The following RAB8B variants were observed in gnomAD, a reference collection of about 807,000 sequenced individuals.
RAB8B encodes RAB8B, member RAS oncogene family.
In RAB8B, 11 loss-of-function variants were observed where a neutral mutation model predicts 32.0. The observed-to-expected ratio is 0.34, with a 90% CI of 0.22 to 0.57. The LOEUF is 0.57. Ranked by LOEUF, RAB8B falls within the 20% of genes least tolerant of loss-of-function variation. RAB8B has a pLI of 0.86. For missense variants in RAB8B, 190 were observed against 258.5 expected (o/e 0.73, Z 1.82); for synonymous variants, 103 against 89.6 (o/e 1.15, Z -0.85).
rs549683671 is a variant in RAB8B at position 63,233,156 on chromosome 15, C to T, written c.125-11600C>T. Among the ~76,000 whole-genome samples the T allele has an allele frequency of 5.3e-5, 8 of 151,064 alleles. No individual in the cohort carries two copies. In the South Asian group the frequency reaches 1.7e-3, roughly 31 times the overall value. On this transcript the variant is annotated intron_variant, in intron 1 of 7. Coordinates refer to ENST00000321437, the MANE Select transcript of RAB8B (RefSeq NM_016530.3). ...CTCACTGCAGCCTTTAACTCCTGGC[C>T]TCAAGCTATCCGCTCACTTCAGCCT...
intron 1 of RAB8B, among the ~76,000 whole-genome samples, chr15:63,212,152 C>T (rs1003293183): frequency 2.0e-5 from 3 of 152,276 alleles, no homozygotes; most frequent in African/African-American, 7.2e-5. Context: ...CATCTTCCTA[C>T]ACAGTGCGTT....
chr15:63,205,336 A>G (rs1456590122), intron 1 of RAB8B, among the ~76,000 whole-genome samples: 1 of 152,076 alleles, frequency 6.6e-6, no homozygotes, highest in Non-Finnish European at 1.5e-5. Flanking sequence ...AATAAAAATA[A>G]ATACAATTTA....
chr15:63,229,313 T>C (rs766623542), intron 1 of RAB8B, among the ~76,000 whole-genome samples: 1 of 152,258 alleles, frequency 6.6e-6, no homozygotes, highest in Non-Finnish European at 1.5e-5. Flanking sequence ...GTCATTGCCC[T>C]TCGGGGCTCA....
At position 63,207,816 on chromosome 15, in the gene RAB8B, G is replaced by A. The variant is rs574007293; in HGVS notation, c.124+18068G>A. Among the ~76,000 whole-genome samples the A allele has an allele frequency of 1.4e-4, 21 of 152,154 alleles. 1 individual carries two copies. The highest frequency in any genetic ancestry group is 2.1e-4 in the Non-Finnish European group (14 of 67,980). On this transcript the variant is annotated intron_variant, in intron 1 of 7. Coordinates refer to ENST00000321437, the MANE Select transcript of RAB8B (RefSeq NM_016530.3). ...CCTGACTTCATGATCTGCCCACCTC[G>A]GCCTTCCAAAGTGCTGGGATTACAG...
At chr15:63,199,127 A>G (rs2037627137) in intron 1 of RAB8B, among the ~76,000 whole-genome samples, 1 of 152,150 alleles carries the variant, frequency 6.6e-6, no homozygotes, top group Non-Finnish European at 1.5e-5. Flanking sequence ...TTCTTGTTTC[A>G]CTGTCTGTTA....
intron 1 of RAB8B, among the ~76,000 whole-genome samples, chr15:63,230,939 G>A (rs1047123378): frequency 1.3e-5 from 2 of 152,040 alleles, no homozygotes; most frequent in Admixed American, 6.6e-5. Context: ...ATGACTTTAG[G>A]TTTTTCTCTA....
chr15:63,221,106 G>A (rs1466103491), intron 1 of RAB8B, among the ~76,000 whole-genome samples: 3 of 152,190 alleles, frequency 2.0e-5, no homozygotes, highest in Non-Finnish European at 4.4e-5. Context: ...GGATTCAGAT[G>A]GAAAGGATGG....
chr15:63,189,758 G>T lies in RAB8B; in HGVS notation c.124+10G>T, dbSNP rs1318930042. ...TTCATCTCCACCATCGGTGAGGGAG[G>T]GGCCGCGGCCCGGGACCGGGTAGAG... is the stretch of plus-strand genomic sequence containing the variant. On this transcript the variant is annotated intron_variant, in intron 1 of 7. Transcript: ENST00000321437. The T allele has an allele frequency of 5.8e-6, 9 of 1,563,442 alleles. No individual in the cohort carries two copies. Among genetic ancestry groups the T allele is most frequent in the Non-Finnish European group, 7.8e-6 (9 of 1,150,372 alleles).
intron 1 of RAB8B, among the ~76,000 whole-genome samples, chr15:63,209,891 G>C (rs377168284): frequency 3.9e-5 from 6 of 151,988 alleles, no homozygotes; most frequent in East Asian, 1.9e-4. Flanking sequence ...CTAATGCTCT[G>C]CCTCCCCTTG....
At chr15:63,254,420 G>A (rs915832416) in intron 3 of RAB8B, among the ~76,000 whole-genome samples, 1 of 151,954 alleles carries the variant, frequency 6.6e-6, no homozygotes, top group Non-Finnish European at 1.5e-5. Context: ...ACAAGAGGAA[G>A]AGACCTTTTC....
In RAB8B at chr15:63,189,678, G is replaced by GCT; in HGVS notation, c.54_55insCT (p.Val19LeufsTer2). On this transcript the variant is annotated frameshift_variant, in exon 1 of 8. Coordinates refer to ENST00000321437, the MANE Select transcript of RAB8B (RefSeq NM_016530.3). LOFTEE classifies it high-confidence loss of function. The stretch of plus-strand genomic sequence containing the variant: ...AGCTCCTGCTGATCGGCGACTCGGG[G>GCT]GTAGGCAAGACCTGCCTCCTGTTCC... 1 of 1,614,008 alleles carries GCT rather than the reference G, an allele frequency of 6.2e-7. No homozygotes were observed. The highest frequency in any genetic ancestry group is 8.5e-7 in the Non-Finnish European group (1 of 1,179,914).
chr15:63,206,117 A>C (rs1180453214), intron 1 of RAB8B, among the ~76,000 whole-genome samples: 1 of 152,230 alleles, frequency 6.6e-6, no homozygotes, highest in African/African-American at 2.4e-5. Context: ...TATCTCTTTT[A>C]TTAGCACATA....
intron 1 of RAB8B, among the ~76,000 whole-genome samples, chr15:63,205,395 G>C (rs1595734602): frequency 6.6e-6 from 1 of 152,182 alleles, no homozygotes; most frequent in Non-Finnish European, 1.5e-5. Context: ...CTATTCAGGA[G>C]GCTGAAGTGA....
intron 1 of RAB8B, among the ~76,000 whole-genome samples, chr15:63,194,199 TA>T (rs80073305): frequency 2.7e-4 from 40 of 148,952 alleles, no homozygotes; most frequent in South Asian, 6.3e-4. Flanking sequence ...ATTTTATAAA[TA>T]AAAAAAAAAT....
intron 1 of RAB8B, among the ~76,000 whole-genome samples, chr15:63,227,361 A>T (rs1014858935): frequency 6.6e-6 from 1 of 152,184 alleles, no homozygotes; most frequent in African/African-American, 2.4e-5. Flanking sequence ...GGCTTGCCTG[A>T]GGACATCTTT....
intron 6 of RAB8B, among the ~76,000 whole-genome samples, chr15:63,261,342 G>A (rs1475027304): frequency 6.6e-6 from 1 of 152,146 alleles, no homozygotes; most frequent in Non-Finnish European, 1.5e-5. Flanking sequence ...AATTAGTACA[G>A]CCACTATGGA....
intron 1 of RAB8B, among the ~76,000 whole-genome samples, chr15:63,243,655 C>T (rs1451382319): frequency 1.3e-5 from 2 of 152,086 alleles, no homozygotes; most frequent in Non-Finnish European, 2.9e-5. Context: ...GTGCCCAGGT[C>T]CCATCCTTGA....
intron 1 of RAB8B, among the ~76,000 whole-genome samples, chr15:63,228,790 C>T (rs1484017355): frequency 5.9e-5 from 9 of 152,170 alleles, no homozygotes; most frequent in Non-Finnish European, 1.3e-4. Context: ...AGGGCAGCCC[C>T]TAAAAGCTTC....
At chr15:63,232,375 A>G (rs16946676) in intron 1 of RAB8B, among the ~76,000 whole-genome samples, 4,963 of 152,262 alleles carry the variant, frequency 0.033, 253 homozygotes, top group African/African-American at 0.11. Flanking sequence ...TTGTATATCT[A>G]TAATGCATGT....
Sources: gnomAD v4.1 joint callset for allele counts (sites outside exome capture counted in the v4.1 genomes callset) on GRCh38, gnomAD v4.1.1 for gene constraint, MANE v1.5 for transcripts, NCBI Gene and HGNC (gene_info 2026-07-23, HGNC 2026-07-21) for gene names.